The following ARHGEF18 variants were observed in gnomAD, a reference collection of about 807,000 sequenced individuals.
ARHGEF18 encodes the protein rho guanine nucleotide exchange factor 18.
Under a neutral mutation model 155.7 loss-of-function variants are expected in ARHGEF18, and 93 were observed. The observed-to-expected ratio is 0.60, with a 90% CI of 0.50 to 0.71. ARHGEF18 has a LOEUF of 0.71. Ranked by LOEUF, ARHGEF18 falls within the 30% of genes least tolerant of loss-of-function variation. ARHGEF18 has a pLI of 0.00. For synonymous variants in ARHGEF18, 742 were observed against 753.1 expected (o/e 0.99, Z 0.24); for missense variants, 1,593 against 1,816.1 (o/e 0.88, Z 2.23).
At chr19:7,451,612 G>A (rs986201420) in intron 16 of ARHGEF18, among the ~76,000 whole-genome samples, 6 of 151,482 alleles carry the variant, frequency 4.0e-5, no homozygotes, top group South Asian at 2.1e-4. Flanking sequence ...ATGGGGTCTC[G>A]CTGTGTTACC....
At chr19:7,349,781 C>T (rs561720367) in intron 1 of ARHGEF18, among the ~76,000 whole-genome samples, 2 of 152,170 alleles carry the variant, frequency 1.3e-5, no homozygotes, top group Admixed American at 6.5e-5. Flanking sequence ...GACGATAGAG[C>T]TCCTTGTAGC....
downstream of ARHGEF18, chr19:7,476,835 A>T (rs951818610): frequency 6.0e-5 from 13 of 217,262 alleles, no homozygotes; most frequent in Admixed American, 3.5e-4. Flanking sequence ...GTAAGGGGCC[A>T]GGAGCCAGCA....
At chr19:7,365,538 C>G (rs1032883211) in intron 2 of ARHGEF18, among the ~76,000 whole-genome samples, 35 of 152,220 alleles carry the variant, frequency 2.3e-4, no homozygotes, top group Admixed American at 1.5e-3. Flanking sequence ...GGATCTGGAC[C>G]TCTTTGAAAG....
intron 2 of ARHGEF18, among the ~76,000 whole-genome samples, chr19:7,368,575 C>T (rs1476869569): frequency 6.6e-6 from 1 of 152,188 alleles, no homozygotes; most frequent in Non-Finnish European, 1.5e-5. Context: ...CTCCCCAGCT[C>T]CACCCCCATC....
the ARHGEF18 span, among the ~76,000 whole-genome samples, chr19:7,479,145 G>A: frequency 1.3e-5 from 2 of 152,192 alleles, no homozygotes; most frequent in African/African-American, 2.4e-5. Flanking sequence ...CCTCCTGGGG[G>A]GCTAGGGAAA....
chr19:7,386,402 G>A (rs1971076834), intron 10 of ARHGEF18, among the ~76,000 whole-genome samples: 1 of 151,918 alleles, frequency 6.6e-6, no homozygotes, highest in Non-Finnish European at 1.5e-5. Context: ...CCACTTGGTG[G>A]CAGGAGCGCC....
intron 10 of ARHGEF18, among the ~76,000 whole-genome samples, chr19:7,425,281 C>T (rs1343140708): frequency 1.3e-5 from 2 of 152,050 alleles, no homozygotes; most frequent in Admixed American, 6.6e-5. Flanking sequence ...AAGAGTAGGG[C>T]TCTGGCTTGG....
At chr19:7,465,221 G>A (rs1019603670) in intron 23 of ARHGEF18, among the ~76,000 whole-genome samples, 5 of 152,110 alleles carry the variant, frequency 3.3e-5, no homozygotes, top group African/African-American at 1.2e-4. Context: ...CCAGCCCCTC[G>A]TTTTCCAAAC....
At chr19:7,381,259 GA>G (rs1263048447) in intron 8 of ARHGEF18, among the ~76,000 whole-genome samples, 3 of 150,698 alleles carry the variant, frequency 2.0e-5, no homozygotes, top group Non-Finnish European at 3.0e-5. Flanking sequence ...AAGGATGAAG[GA>G]AAAAAAAAGA....
At position 7,467,491 on chromosome 19, in the gene ARHGEF18, G is replaced by C; in HGVS notation, c.3287G>C (p.Arg1096Pro). Residue 1096 changes from arginine to proline, a missense_variant, in exon 26 of 29, where the codon CGG becomes CCG. Transcript: ENST00000668164. ...CTGCAGGAGCGCGAGGGCGAGGCGC[G>C]GCAGCTACGCGAGCGGCTGGAGCAG... is the stretch of plus-strand genomic sequence containing the variant. ...ARLQEREGEA[R>P]QLRERLEQER... 6.9e-7 allele frequency: 1 copy of C among 1,441,786 alleles called. No homozygotes were observed. The highest frequency in any genetic ancestry group is 9.0e-7 in the Non-Finnish European group (1 of 1,109,474). The allele number at this position is 1,441,786 out of a possible 1,614,324, so 89.3% of individuals were successfully genotyped here.
chr19:7,355,068 TCACA>T (rs60457716), intron 1 of ARHGEF18, among the ~76,000 whole-genome samples: 1,725 of 146,532 alleles, frequency 0.012, 25 homozygotes, highest in African/African-American at 0.028. Flanking sequence ...CCAATGGGCT[TCACA>T]CACACACACA....
At chr19:7,435,309 T>C (rs2145743354) in intron 10 of ARHGEF18, among the ~76,000 whole-genome samples, 1 of 151,992 alleles carries the variant, frequency 6.6e-6, no homozygotes, top group African/African-American at 2.4e-5. Flanking sequence ...CTTAACCCAG[T>C]ATGGTGAGAC....
intron 20 of ARHGEF18, among the ~76,000 whole-genome samples, chr19:7,460,729 T>C (rs1037451088): frequency 2.0e-5 from 3 of 152,072 alleles, no homozygotes; most frequent in African/African-American, 7.2e-5. Context: ...CAATTCCTGG[T>C]GCCCTGTAGC....
chr19:7,479,588 A>G, the ARHGEF18 span, among the ~76,000 whole-genome samples: 36,401 of 152,238 alleles, frequency 0.24, 4,584 homozygotes, highest in African/African-American at 0.33. Flanking sequence ...ATGTCTGGTC[A>G]TGATGAGCAC....
chr19:7,352,832 C>CTTTTTTTTTTTT (rs587602037), intron 1 of ARHGEF18, among the ~76,000 whole-genome samples: 3 of 49,876 alleles, frequency 6.0e-5, no homozygotes, highest in Non-Finnish European at 3.4e-5. Context: ...CGTGCCTGGC[C>CTTTTTTTTTTTT]TTTTTTTTTT....
At chr19:7,401,501 C>T (rs1972018351) in intron 10 of ARHGEF18, among the ~76,000 whole-genome samples, 1 of 152,116 alleles carries the variant, frequency 6.6e-6, no homozygotes, top group South Asian at 2.1e-4. Flanking sequence ...GTTGCCCAGG[C>T]TGGTCTTGAA....
chr19:7,456,713 C>T (rs1010459431), intron 18 of ARHGEF18, among the ~76,000 whole-genome samples: 1 of 152,180 alleles, frequency 6.6e-6, no homozygotes, highest in Non-Finnish European at 1.5e-5. Context: ...TGCTCTCCCG[C>T]CTGGGCAACA....
At chr19:7,351,568 C>T (rs774936919) in intron 1 of ARHGEF18, among the ~76,000 whole-genome samples, 5 of 152,082 alleles carry the variant, frequency 3.3e-5, no homozygotes, top group Non-Finnish European at 5.9e-5. Context: ...TGTGATCCCC[C>T]CACCTCAGCC....
intron 10 of ARHGEF18, among the ~76,000 whole-genome samples, chr19:7,407,878 C>T (rs1293353751): frequency 2.8e-5 from 4 of 142,412 alleles, no homozygotes; most frequent in African/African-American, 7.8e-5. Flanking sequence ...AGGAGAATGG[C>T]GTGAACCCAG....
Sources: gnomAD v4.1 joint callset for allele counts (sites outside exome capture counted in the v4.1 genomes callset) on GRCh38, gnomAD v4.1.1 for gene constraint, MANE v1.5 for transcripts, NCBI Gene and HGNC (gene_info 2026-07-23, HGNC 2026-07-21) for gene names.